The following RNF6 variants were observed in gnomAD, a reference collection of about 807,000 sequenced individuals.
RNF6 encodes the protein ring finger protein 6, also known as E3 ubiquitin-protein ligase RNF6.
Under a neutral mutation model 50.1 loss-of-function variants are expected in RNF6, and 21 were observed. The ratio of observed to expected loss-of-function variants is 0.42; its 90% confidence interval spans 0.30 to 0.60. RNF6 has a LOEUF of 0.60. Ranked by LOEUF, RNF6 falls within the 20% of genes least tolerant of loss-of-function variation. The pLI is 0.20. For missense variants in RNF6, 698 were observed against 838.2 expected, an observed-to-expected ratio of 0.83 and a Z score of 2.07; for synonymous variants, 255 against 291.8, an observed-to-expected ratio of 0.87 and a Z score of 1.29.
intron 5 of RNF6, among the ~76,000 whole-genome samples, chr13:26,132,681 AT>A (rs1484926361): frequency 2.6e-5 from 4 of 152,252 alleles, no homozygotes; most frequent in Non-Finnish European, 5.9e-5. Context: ...AGGTAGAAAC[AT>A]TAAGTTTTCA....
intron 5 of RNF6, among the ~76,000 whole-genome samples, chr13:26,175,679 C>T (rs1446851209): frequency 6.6e-6 from 1 of 152,122 alleles, no homozygotes; most frequent in African/African-American, 2.4e-5. Context: ...GGGGGAAAAC[C>T]AGGACAGGGA....
At chr13:26,146,229 C>G (rs1274734431) in intron 5 of RNF6, among the ~76,000 whole-genome samples, 2 of 152,198 alleles carry the variant, frequency 1.3e-5, no homozygotes, top group Admixed American at 1.3e-4. Flanking sequence ...GGTCCTTTCT[C>G]AAGGGGACTC....
At chr13:26,162,371 C>T (rs1039741149) in intron 5 of RNF6, among the ~76,000 whole-genome samples, 59 of 152,326 alleles carry the variant, frequency 3.9e-4, no homozygotes, top group African/African-American at 1.3e-3. Flanking sequence ...TAAACTCTCC[C>T]TTTGTTTCTG....
At chr13:26,173,690 T>C (rs1272101731) in intron 5 of RNF6, among the ~76,000 whole-genome samples, 2 of 149,880 alleles carry the variant, frequency 1.3e-5, no homozygotes, top group Non-Finnish European at 3.0e-5. Flanking sequence ...ATTTATTTCT[T>C]TGGAAAAAAA....
At chr13:26,207,811 C>A (rs114990048), downstream of RNF6, among the ~76,000 whole-genome samples, 2 of 152,228 alleles carry the variant, frequency 1.3e-5, no homozygotes, top group Non-Finnish European at 2.9e-5. Context: ...ACTCCTGCTA[C>A]CCATTCTGGC....
chr13:26,219,624 T>C lies in RNF6; in HGVS notation c.26A>G (p.Asp9Gly), dbSNP rs764910626. Residue 9 changes from aspartate (D) to glycine (G), a missense_variant, in exon 3 of 5, where the codon GAT (aspartate) becomes GGT (glycine). Coordinates refer to ENST00000381588, the MANE Select transcript of RNF6 (RefSeq NM_005977.4). MNQSRSRS[D>G]GGSEETLPQD... ...AGGTAAGGTTTCTTCACTGCCACCA[T>C]CTGATCTCGATCTAGACTGATTCAT... 1.5e-5 allele frequency: 24 copies of C among 1,613,520 alleles called. No individual in the cohort carries two copies. The highest frequency in any genetic ancestry group is 1.9e-5 in the Non-Finnish European group (22 of 1,179,924).
At chr13:26,174,697 G>A (rs1872868043) in intron 5 of RNF6, among the ~76,000 whole-genome samples, 1 of 152,098 alleles carries the variant, frequency 6.6e-6, no homozygotes, top group Admixed American at 6.5e-5. Flanking sequence ...GTCTTTTAAG[G>A]CTAATATCCT....
chr13:26,181,754 C>T (rs301058), intron 5 of RNF6, among the ~76,000 whole-genome samples: 101,766 of 152,062 alleles, frequency 0.67, 34,840 homozygotes, highest in African/African-American at 0.81. Context: ...TTCTATGCAA[C>T]CATCTTCAGT....
intron 5 of RNF6, chr13:26,150,742 A>G (rs1047183720): frequency 6.6e-6 from 1 of 152,254 alleles, no homozygotes; most frequent in African/African-American, 2.4e-5. Context: ...AAAAAAATCA[A>G]CAATAATACT....
chr13:26,175,567 C>T (rs538104843), intron 5 of RNF6, among the ~76,000 whole-genome samples: 1 of 152,262 alleles, frequency 6.6e-6, no homozygotes, highest in Non-Finnish European at 1.5e-5. Flanking sequence ...CTGTCTTTGG[C>T]GTCCTGGTTA....
At chr13:26,177,635 A>G (rs1873025174) in intron 5 of RNF6, among the ~76,000 whole-genome samples, 1 of 152,204 alleles carries the variant, frequency 6.6e-6, no homozygotes, top group African/African-American at 2.4e-5. Context: ...GTATCTCAAG[A>G]AAAGGCTTCA....
intron 3 of RNF6, among the ~76,000 whole-genome samples, chr13:26,218,870 C>T (rs1027060292): frequency 1.1e-4 from 16 of 152,082 alleles, no homozygotes; most frequent in Middle Eastern, 3.2e-3. Context: ...AGTTGATACA[C>T]TTAGGAATCT....
chr13:26,194,308 G>T (rs1252929537), intron 5 of RNF6, among the ~76,000 whole-genome samples: 2 of 152,110 alleles, frequency 1.3e-5, no homozygotes, highest in African/African-American at 4.8e-5. Flanking sequence ...TGGTAAGAAA[G>T]ATTAACAAAT....
intron 5 of RNF6, among the ~76,000 whole-genome samples, chr13:26,152,704 C>T (rs1178130389): frequency 1.3e-5 from 2 of 152,224 alleles, no homozygotes; most frequent in Middle Eastern, 3.4e-3. Context: ...GCTTCTAAGA[C>T]GTTTCTATTC....
intron 5 of RNF6, among the ~76,000 whole-genome samples, chr13:26,187,493 C>G (rs1190131599): frequency 6.6e-6 from 1 of 152,178 alleles, no homozygotes; most frequent in Non-Finnish European, 1.5e-5. Flanking sequence ...CCTTCCCTGG[C>G]CCCCTCTGGT....
In RNF6 at chr13:26,186,577, G is replaced by A. The variant is rs181683075; in HGVS notation, n.768+28897C>T. ...GCACGTACACGCGCACACCGCCAGC[G>A]CGGACCCTGACGGGGCCGAGCCTCG... On this transcript the variant is annotated intron_variant and non_coding_transcript_variant, in intron 5 of 5. Transcript: ENST00000468480. Among the ~76,000 whole-genome samples, 5 of 152,340 alleles carry A rather than the reference G, an allele frequency of 3.3e-5. No homozygotes were observed. In the East Asian group the frequency reaches 9.7e-4, roughly 29 times the overall value.
chr13:26,215,137 T>G lies in RNF6; in HGVS notation c.745A>C (p.Asn249His), dbSNP rs1460969898. 5.0e-6 allele frequency: 8 copies of G among 1,614,214 alleles called. No individual in the cohort carries two copies. In the South Asian group the frequency reaches 8.8e-5, roughly 18 times the overall value. The change falls in exon 5 of 5, where the codon AAC becomes CAC. Residue 249 changes from asparagine (N) to histidine (H), a missense_variant. By Grantham distance (68) the Asn-to-His change is moderately conservative (BLOSUM62 1). Coordinates refer to ENST00000381588, the MANE Select transcript of RNF6 (RefSeq NM_005977.4). ...CTACTGAAATTAGTGCGTGAAGCGT[T>G]AGCTCGAGGAATGCCAGCTGCTCCC... is the stretch of plus-strand genomic sequence containing the variant. The part of the protein sequence containing the change: ...IGGAAGIPRA[N>H]ASRTNFSSHT...
At chr13:26,149,941 ATATATAATGTG>A (rs1420902274) in intron 5 of RNF6, among the ~76,000 whole-genome samples, 1 of 96,142 alleles carries the variant, frequency 1.0e-5, no homozygotes, top group Admixed American at 1.1e-4. Flanking sequence ...TACACAGTGT[ATATATAATGTG>A]TATATATATA....
chr13:26,171,319 A>C (rs1872687505), intron 5 of RNF6, among the ~76,000 whole-genome samples: 1 of 152,228 alleles, frequency 6.6e-6, no homozygotes, highest in Non-Finnish European at 1.5e-5. Flanking sequence ...TCATTAGGGA[A>C]GCGCAAATCA....
Sources: allele counts gnomAD v4.1 joint callset (sites outside exome capture counted in the v4.1 genomes callset), GRCh38; gene constraint gnomAD v4.1.1; transcripts MANE v1.5; gene names NCBI Gene and HGNC (gene_info 2026-07-23, HGNC 2026-07-21).